INPP1: variants seen among roughly 807,000 people sequenced by gnomAD.
The protein encoded by INPP1 is inositol polyphosphate-1-phosphatase, also known as inositol polyphosphate 1-phosphatase.
In INPP1, 18 loss-of-function variants were observed where a neutral mutation model predicts 23.0. The ratio of observed to expected loss-of-function variants is 0.78; its 90% CI spans 0.54 to 1.16. The LOEUF (loss-of-function observed/expected upper bound fraction) is 1.16. Ranked by LOEUF, INPP1 falls within the 50% of genes most tolerant of loss-of-function variation. The pLI, the probability that INPP1 is intolerant of heterozygous loss-of-function variation, is 0.00. For missense variants in INPP1, 448 were observed against 482.1 expected (o/e 0.93, Z 0.66); for synonymous variants, 164 against 176.3 (o/e 0.93, Z 0.55).
intron 6 of INPP1, among the ~76,000 whole-genome samples, chr2:190,369,984 T>C (rs1360939885): frequency 6.6e-6 from 1 of 152,256 alleles, no homozygotes; most frequent in East Asian, 1.9e-4. Context: ...AATCATTTGC[T>C]CTTTAATAGT....
rs937513610 is a variant in INPP1, at chr2:190,345,727, C to T, written c.-209+1766C>T. ...ATAAAGGCTCTGGCTGGCGTGGTGG[C>T]TCACGCCTGTTATCCCTGCACTTTG... On this transcript the variant is annotated intron_variant, in intron 1 of 6. Transcript: ENST00000392329. The surrounding 1 kb of genome is among the most constrained non-coding windows in gnomAD (Gnocchi z 4.9). 6.6e-6 allele frequency among the ~76,000 whole-genome samples: 1 copy of T among 152,218 alleles called. No homozygotes were observed. Among genetic ancestry groups the T allele is most frequent in the African/African-American group, 2.4e-5 (1 of 41,452 alleles).
chr2:190,365,859 CTCTCTGTCTCTCTTGCTCTG>C (rs1689636366), intron 4 of INPP1, among the ~76,000 whole-genome samples: 2 of 21,362 alleles, frequency 9.4e-5, no homozygotes, highest in Non-Finnish European at 7.9e-5. Context: ...GTCTCTCTCG[CTCTCTGTCTCTCTTGCTCTG>C]TCTCTCTCTG....
chr2:190,366,698 A>G lies in INPP1; in HGVS notation c.269A>G (p.Glu90Gly). 6.2e-7 allele frequency: 1 copy of G among 1,606,810 alleles called. No homozygotes were observed. Among genetic ancestry groups the G allele is most frequent in the Non-Finnish European group, 8.5e-7 (1 of 1,173,452 alleles). The change falls in exon 5 of 7, where the codon GAA (glutamate) becomes GGA (glycine). Residue 90 changes from glutamate to glycine, a missense_variant. Physicochemically the swap from Glu to Gly is moderately conservative, Grantham distance 98. Coordinates refer to ENST00000392329, the MANE Select transcript of INPP1 (RefSeq NM_001128928.2). Reference protein sequence around the residue: ...ESNEFTNDWGEKITLRLCSTE... With the variant: ...ESNEFTNDWGGKITLRLCSTE... Reference sequence around the variant, plus strand: ...TTATCGTGTGGCTTTACCCTAGGGGAAAAGATTACCTTGAGGTTGTGTTCA... The same window carrying G: ...TTATCGTGTGGCTTTACCCTAGGGGGAAAGATTACCTTGAGGTTGTGTTCA...
intron 6 of INPP1, 141 bp from the exon 7 acceptor site, chr2:190,370,700 ATAT>A: frequency 1.5e-6 from 1 of 672,844 alleles, no homozygotes; most frequent in East Asian, 2.5e-5. Flanking sequence ...TAGCTACCTG[ATAT>A]CTATTCCTAG....
chr2:190,366,326 A>T (rs1314482921), intron 4 of INPP1, among the ~76,000 whole-genome samples: 2,161 of 56,804 alleles, frequency 0.038, no homozygotes, highest in Middle Eastern at 0.054. Flanking sequence ...TCTCTGTCTC[A>T]CTCTCTCGCT....
rs1443527593 is a variant in INPP1, at chr2:190,371,315, A to G, written c.1113A>G (p.Gly371=). 19 of 1,601,182 alleles carry G rather than the reference A, an allele frequency of 1.2e-5. No individual in the cohort carries two copies. The highest frequency in any genetic ancestry group is 1.7e-5 in the Admixed American group (1 of 58,922). Residue 371 remains glycine, a synonymous_variant, in exon 7 of 7, where the codon GGA becomes GGG. Transcript: ENST00000392329. This position sits in a 1 kb window ranked among gnomAD's most constrained non-coding sequence, Gnocchi z 5.3. Reference sequence around the variant, plus strand: ...TGGATCGGTGGGCCAACAAGGGAGGACTCATTGCATACAGATCCAGGAAGC... The same window carrying G: ...TGGATCGGTGGGCCAACAAGGGAGGGCTCATTGCATACAGATCCAGGAAGC... ...AGVDRWANKG[G]LIAYRSRKRL...
intron 4 of INPP1, 76 bp from the exon 5 acceptor site, chr2:190,366,619 C>G: frequency 9.5e-7 from 1 of 1,049,068 alleles, no homozygotes; most frequent in South Asian, 1.4e-5. Context: ...CTCTCTCACT[C>G]TTTAGCTCTC....
intron 6 of INPP1, among the ~76,000 whole-genome samples, chr2:190,370,008 C>T (rs1689769135): frequency 6.6e-6 from 1 of 152,146 alleles, no homozygotes; most frequent in Non-Finnish European, 1.5e-5. Context: ...AAGTTTATAC[C>T]TCTTAAGTTT....
intron 1 of INPP1, among the ~76,000 whole-genome samples, chr2:190,348,358 G>GT (rs200031403): frequency 0.02 from 3,006 of 150,148 alleles, 93 homozygotes; most frequent in East Asian, 0.071. Flanking sequence ...GTAATTTTTT[G>GT]TTTTTTTTTA....
chr2:190,350,739 G>C (rs943532344), intron 2 of INPP1, among the ~76,000 whole-genome samples: 1 of 152,116 alleles, frequency 6.6e-6, no homozygotes, highest in Admixed American at 6.5e-5. Flanking sequence ...AGAAATGTTA[G>C]GGTTAAATAA....
At chr2:190,344,855 A>C (rs1689184546) in intron 1 of INPP1, among the ~76,000 whole-genome samples, 1 of 152,254 alleles carries the variant, frequency 6.6e-6, no homozygotes, top group East Asian at 1.9e-4. Context: ...AGACCACTTA[A>C]GTGGATCCCA....
At position 190,346,841 on chromosome 2, in the gene INPP1, G is replaced by A. The variant is rs182147340; in HGVS notation, c.-208-2047G>A. 6.6e-6 allele frequency among the ~76,000 whole-genome samples: 1 copy of A among 152,098 alleles called. No individual in the cohort carries two copies. Among genetic ancestry groups the A allele is most frequent in the African/African-American group, 2.4e-5 (1 of 41,470 alleles). On this transcript the variant is annotated intron_variant, in intron 1 of 6. Transcript: ENST00000392329. This position sits in a 1 kb window ranked among gnomAD's most constrained non-coding sequence, Gnocchi z 5.1. ...GTTGGTCTCAAACTCCTGGGCTCAT[G>A]ACATCCTCCTGCCTCAGCCTCCCAA...
chr2:190,364,257 C>A (rs918097836), intron 4 of INPP1, among the ~76,000 whole-genome samples: 1 of 152,074 alleles, frequency 6.6e-6, no homozygotes, highest in Admixed American at 6.5e-5. Flanking sequence ...TTCAGTAGGT[C>A]GGCCGGGCGC....
intron 4 of INPP1, among the ~76,000 whole-genome samples, chr2:190,364,694 G>C (rs958450173): frequency 1.4e-5 from 2 of 138,690 alleles, no homozygotes; most frequent in Non-Finnish European, 3.0e-5. Flanking sequence ...AAATTCAAGC[G>C]ATTCTCCTGC....
Position 190,366,760 on chromosome 2 carries a change from C to G in INPP1, c.331C>G (p.Leu111Val). ...EETAELLSKVLNGNKVASEAL... is the reference protein window; with the variant it reads ...EETAELLSKVVNGNKVASEAL... The stretch of plus-strand genomic sequence containing the variant: ...AACAGCAGAGCTTCTTAGCAAAGTC[C>G]TCAATGGTAACAAGGTGGCATCTGA... Residue 111 changes from leucine (L) to valine (V), a missense_variant, in exon 5 of 7, where the codon CTC (leucine) becomes GTC (valine). By Grantham distance (32) the Leu-to-Val change is conservative. Coordinates refer to ENST00000392329, the MANE Select transcript of INPP1 (RefSeq NM_001128928.2). The G allele has an allele frequency of 6.2e-7, 1 of 1,613,586 alleles. No individual in the cohort carries two copies. The highest frequency in any genetic ancestry group is 8.5e-7 in the Non-Finnish European group (1 of 1,179,508).
intron 1 of INPP1, among the ~76,000 whole-genome samples, chr2:190,348,359 T>G (rs1017382371): frequency 4.8e-5 from 7 of 145,360 alleles, no homozygotes; most frequent in African/African-American, 1.4e-4. Context: ...TAATTTTTTG[T>G]TTTTTTTTAA....
In INPP1 at chr2:190,354,375, A is replaced by T. The variant is rs1430633700; in HGVS notation, c.-65+5344A>T. Reference sequence around the variant, plus strand: ...CAGGAGAGGTTTTAGGGGCTAAATTATGTTACTTCAAAATTCACATGTTGA... The same window carrying T: ...CAGGAGAGGTTTTAGGGGCTAAATTTTGTTACTTCAAAATTCACATGTTGA... On this transcript the variant is annotated intron_variant, in intron 2 of 6. Coordinates refer to ENST00000392329, the MANE Select transcript of INPP1 (RefSeq NM_001128928.2). The surrounding 1 kb of genome is among the most constrained non-coding windows in gnomAD (Gnocchi z 4.8). Among the ~76,000 whole-genome samples, 2 of 144,652 alleles carry T rather than the reference A, an allele frequency of 1.4e-5. No homozygotes were observed. Among genetic ancestry groups the T allele is most frequent in the Admixed American group, 7.0e-5 (1 of 14,314 alleles). 94.9% of individuals were successfully genotyped at this position (144,652 alleles called of 152,430 possible).
intron 1 of INPP1, among the ~76,000 whole-genome samples, chr2:190,348,324 T>G (rs1006882456): frequency 6.6e-6 from 1 of 152,188 alleles, no homozygotes; most frequent in South Asian, 2.1e-4. Flanking sequence ...CAAAAGCTTT[T>G]GAAATGTGCA....
At position 190,363,613 on chromosome 2, in the gene INPP1, G is replaced by A. The variant is rs2067425; in HGVS notation, c.265+926G>A. Among the ~76,000 whole-genome samples the A allele has an allele frequency of 0.41, 62,584 of 151,924 alleles. 14,899 individuals are homozygous for A. The highest frequency in any genetic ancestry group is 0.66 in the African/African-American group (27,246 of 41,404). Reference sequence around the variant, plus strand: ...AAACACAATTACAAAGAAAAAATGAGTTTCTAGATTAACTCTGAAAATTTT... The same window carrying A: ...AAACACAATTACAAAGAAAAAATGAATTTCTAGATTAACTCTGAAAATTTT... On this transcript the variant is annotated intron_variant, in intron 4 of 6. Coordinates refer to ENST00000392329, the MANE Select transcript of INPP1 (RefSeq NM_001128928.2). The surrounding 1 kb of genome is among the most constrained non-coding windows in gnomAD (Gnocchi z 4.4).
Sources: gnomAD v4.1 joint callset for allele counts (sites outside exome capture counted in the v4.1 genomes callset) on GRCh38, gnomAD v4.1.1 for gene constraint, Gnocchi (gnomAD v3.1) non-coding constraint, MANE v1.5 for transcripts, NCBI Gene and HGNC (gene_info 2026-07-23, HGNC 2026-07-21) for gene names.